The following CPAMD8 variants were observed in gnomAD, a reference collection of about 807,000 sequenced individuals.
CPAMD8 encodes C3 and PZP like alpha-2-macroglobulin domain containing 8.
Under a neutral mutation model 224.7 loss-of-function variants are expected in CPAMD8, and 146 were observed. The observed-to-expected ratio is 0.65, with a 90% CI of 0.57 to 0.75. CPAMD8 has a LOEUF of 0.75. CPAMD8 is among the 30% of genes least tolerant of loss of function. The pLI, the probability that CPAMD8 is intolerant of heterozygous loss-of-function variation, is 0.00. For synonymous variants in CPAMD8, 966 were observed against 1,044.6 expected, an observed-to-expected ratio of 0.92 and a Z score of 1.45; for missense variants, 2,301 against 2,537.5, an observed-to-expected ratio of 0.91 and a Z score of 2.00.
At chr19:16,986,891 C>G (rs1193866536) in intron 13 of CPAMD8, among the ~76,000 whole-genome samples, 1 of 151,872 alleles carries the variant, frequency 6.6e-6, no homozygotes, top group East Asian at 1.9e-4. Flanking sequence ...CGCGGTGGCT[C>G]ACGCCTGTAA....
At chr19:17,003,935 C>T (rs910880496) in intron 8 of CPAMD8, among the ~76,000 whole-genome samples, 7 of 150,766 alleles carry the variant, frequency 4.6e-5, no homozygotes, top group Non-Finnish European at 7.4e-5. Context: ...GAGACAGAGT[C>T]TCGCCCTGTC....
At chr19:16,972,030 G>A (rs1466675013) in intron 17 of CPAMD8, among the ~76,000 whole-genome samples, 2 of 152,176 alleles carry the variant, frequency 1.3e-5, no homozygotes, top group South Asian at 4.2e-4. Context: ...CTGGGCAATA[G>A]AGCAAGACTC....
At chr19:17,007,941 G>A (rs940612361) in intron 7 of CPAMD8, among the ~76,000 whole-genome samples, 10 of 152,246 alleles carry the variant, frequency 6.6e-5, no homozygotes, top group Admixed American at 6.5e-4. Flanking sequence ...GACAAGGCGG[G>A]TGGATCACCT....
In CPAMD8 at chr19:16,980,592, G is replaced by C. The variant is rs773609711; in HGVS notation, c.1490C>G (p.Ser497Trp). The C allele has an allele frequency of 1.2e-6, 2 of 1,613,264 alleles. No individual in the cohort carries two copies. The highest frequency in any genetic ancestry group is 2.7e-5 in the African/African-American group (2 of 74,880). ...EVAARGNIVL[S>W]GQQPAHTTQQ... ...GGTGGTGTGGGCAGGCTGCTGGCCCGATAGCACAATATTGCCCCGTGCAGC... is the reference window on the plus strand; with the variant it reads ...GGTGGTGTGGGCAGGCTGCTGGCCCCATAGCACAATATTGCCCCGTGCAGC... Residue 497 changes from serine (S) to tryptophan (W), a missense_variant, in exon 14 of 42, where the codon TCG (serine) becomes TGG (tryptophan). Ser to Trp is a radical substitution (Grantham distance 177). Transcript: ENST00000443236.
intron 21 of CPAMD8, 61 bp from the exon 22 acceptor site, chr19:16,945,740 A>G: frequency 1.3e-6 from 2 of 1,513,662 alleles, no homozygotes; most frequent in Non-Finnish European, 9.2e-7. Flanking sequence ...GGGCTGTCCC[A>G]TCCCTATCCT....
chr19:17,002,633 G>A, intron 8 of CPAMD8: 2 of 286,882 alleles, frequency 7.0e-6, no homozygotes, highest in South Asian at 1.2e-4. Context: ...TCCCAGGGTG[G>A]ACACGAGGCC....
At chr19:16,992,217 C>G (rs534830669) in intron 12 of CPAMD8, among the ~76,000 whole-genome samples, 1 of 152,276 alleles carries the variant, frequency 6.6e-6, no homozygotes, top group Admixed American at 6.5e-5. Flanking sequence ...ACCTCTCTGT[C>G]CTCACCTCCT....
chr19:16,906,395 T>A (rs376947632), intron 30 of CPAMD8, among the ~76,000 whole-genome samples: 14 of 80,130 alleles, frequency 1.7e-4, no homozygotes, highest in Non-Finnish European at 2.9e-5. Flanking sequence ...TCTTTCTTTC[T>A]TTCTTTCTTT....
intron 22 of CPAMD8, among the ~76,000 whole-genome samples, chr19:16,944,348 A>G (rs1015026669): frequency 6.6e-6 from 1 of 152,202 alleles, no homozygotes; most frequent in Admixed American, 6.5e-5. Flanking sequence ...TGCCTCCAGG[A>G]AGCCGGACAA....
At chr19:16,968,877 A>G (rs2054951132) in intron 18 of CPAMD8, among the ~76,000 whole-genome samples, 2 of 152,174 alleles carry the variant, frequency 1.3e-5, no homozygotes, top group African/African-American at 4.8e-5. Context: ...GGCTCAAGTG[A>G]TCTGCCTGCC....
At chr19:16,956,043 C>T (rs570750035) in intron 19 of CPAMD8, among the ~76,000 whole-genome samples, 1 of 152,214 alleles carries the variant, frequency 6.6e-6, no homozygotes, top group East Asian at 1.9e-4. Context: ...AACCTCCTCC[C>T]TGGTCTCAGA....
In CPAMD8 at chr19:16,939,818, G is replaced by A. The variant is rs373411973; in HGVS notation, c.2794-1372C>T. ...ACCTGGGCTGGAATCTACACCATTG[G>A]TTCTCCAGCTCTCAGGCCTTCCAGC... On this transcript the variant is annotated intron_variant, in intron 22 of 41. Coordinates refer to ENST00000443236, the MANE Select transcript of CPAMD8 (RefSeq NM_015692.5). Among the ~76,000 whole-genome samples the A allele has an allele frequency of 2.0e-5, 3 of 152,090 alleles. No homozygotes were observed. The South Asian group carries it at 6.2e-4, about 31-fold the overall frequency.
In CPAMD8 at chr19:16,892,951, T is replaced by C. The variant is rs894260969; in HGVS notation, c.*157A>G. On this transcript the variant is annotated 3_prime_UTR_variant, in exon 42 of 42. Transcript: ENST00000443236. Reference sequence around the variant, plus strand: ...CAAAGTTCATGTGCACCCCAGAACATGTGAGTAAGATCAGTAACGTGTATT... The same window carrying C: ...CAAAGTTCATGTGCACCCCAGAACACGTGAGTAAGATCAGTAACGTGTATT... 7 of 758,478 alleles carry C rather than the reference T, an allele frequency of 9.2e-6. 1 individual carries two copies. Among genetic ancestry groups the C allele is most frequent in the Non-Finnish European group, 1.2e-5 (5 of 412,096 alleles). The allele number at this position is 758,478 out of a possible 1,614,324, so 47.0% of individuals were successfully genotyped here. A position where few individuals can be genotyped will look rare whatever the true frequency, so the allele number is the denominator to read the frequency against.
chr19:16,902,062 C>T (rs1356598487), intron 35 of CPAMD8, among the ~76,000 whole-genome samples: 1 of 152,182 alleles, frequency 6.6e-6, no homozygotes, highest in African/African-American at 2.4e-5. Context: ...GGTGAGGGCC[C>T]GCTGCGGCCG....
Position 16,914,505 on chromosome 19 carries a change from G to A in CPAMD8, c.3787-7C>T, listed in dbSNP as rs747053342. The A allele has an allele frequency of 1.9e-5, 30 of 1,613,876 alleles. No homozygotes were observed. The highest frequency in any genetic ancestry group is 2.4e-5 in the Non-Finnish European group (28 of 1,179,874). ...CAGTGCCGTGGATCCCACCCTGCAA[G>A]GGGACTCACAGGCCTCACCCTAAGC... On this transcript the variant is annotated splice_region_variant and splice_polypyrimidine_tract_variant and intron_variant, in intron 28 of 41. Transcript: ENST00000443236.
chr19:16,902,328 AACATG>A (rs1168236490), intron 35 of CPAMD8, among the ~76,000 whole-genome samples: 1 of 152,142 alleles, frequency 6.6e-6, no homozygotes, highest in African/African-American at 2.4e-5. Context: ...CAGCCTGGCC[AACATG>A]GTGAAACCCT....
At chr19:16,937,650 CTTTTTTT>C (rs550702792) in intron 23 of CPAMD8, among the ~76,000 whole-genome samples, 1 of 116,806 alleles carries the variant, frequency 8.6e-6, no homozygotes. Flanking sequence ...TAACTTCATA[CTTTTTTT>C]TTTTTTTTTT....
chr19:16,917,292 C>G (rs1321935409), intron 27 of CPAMD8, among the ~76,000 whole-genome samples: 3 of 151,890 alleles, frequency 2.0e-5, no homozygotes, highest in Non-Finnish European at 4.4e-5. Flanking sequence ...GATTATGAAC[C>G]TTAGTTCATA....
chr19:16,897,855 G>A (rs1441232695), intron 38 of CPAMD8, 34 bp downstream of exon 38: 1 of 1,582,738 alleles, frequency 6.3e-7, no homozygotes, highest in Non-Finnish European at 8.6e-7. Context: ...GTCAGGGACC[G>A]GGCCGGGCCG....
Sources: allele counts gnomAD v4.1 joint callset (sites outside exome capture counted in the v4.1 genomes callset), GRCh38; gene constraint gnomAD v4.1.1; transcripts MANE v1.5; gene names NCBI Gene and HGNC (gene_info 2026-07-23, HGNC 2026-07-21).